The following DYNC1H1 variants were observed in gnomAD, a reference collection of about 807,000 sequenced individuals.
DYNC1H1 encodes dynein cytoplasmic 1 heavy chain 1.
Under a neutral mutation model 527.1 loss-of-function variants are expected in DYNC1H1, and 51 were observed. The observed-to-expected ratio is 0.10, with a 90% CI of 0.08 to 0.12. The LOEUF (loss-of-function observed/expected upper bound fraction) is 0.12. Ranked by LOEUF, DYNC1H1 falls within the 10% of genes least tolerant of loss-of-function variation. DYNC1H1 has a pLI of 1.00. For missense variants in DYNC1H1, 2,771 were observed against 5,971.8 expected (o/e 0.46, Z 17.66); for synonymous variants, 2,189 against 2,278.8 (o/e 0.96, Z 1.12).
chr14:102,011,875 G>A lies in DYNC1H1; in HGVS notation c.6619G>A (p.Val2207Ile). ...TGTGCTGGTCTGTTGGGCCCTGCAG[G>A]TTCTCCAGCTCTATCAGATCACCCA... is the stretch of plus-strand genomic sequence containing the variant. Reference protein sequence around the residue: ...EEVGGMWVEKVLQLYQITQIN... With the variant: ...EEVGGMWVEKILQLYQITQIN... Residue 2207 changes from valine to isoleucine, a missense_variant and splice_region_variant, in exon 33 of 78, where the codon GTT becomes ATT. By Grantham distance (29) the Val-to-Ile change is conservative. This residue lies in a region of DYNC1H1 where 56 missense variants were observed against 140.6 expected (regional missense o/e 0.40). Coordinates refer to ENST00000360184, the MANE Select transcript of DYNC1H1 (RefSeq NM_001376.5). This position sits in a 1 kb window ranked among gnomAD's most constrained non-coding sequence, Gnocchi z 5.3. 6.2e-7 allele frequency: 1 copy of A among 1,614,146 alleles called. No homozygotes were observed. The highest frequency in any genetic ancestry group is 8.5e-7 in the Non-Finnish European group (1 of 1,180,048).
rs369550020 is a variant in DYNC1H1, at chr14:101,964,689, A to G, written c.-3A>G. ...GCTCCTGGAAGGTCCCGAGCGCGAC[A>G]CCATGTCGGAGCCCGGGGGCGGCGG... On this transcript the variant is annotated 5_prime_UTR_variant, in exon 1 of 78. Coordinates refer to ENST00000360184, the MANE Select transcript of DYNC1H1 (RefSeq NM_001376.5). This position sits in a 1 kb window ranked among gnomAD's most constrained non-coding sequence, Gnocchi z 5.5. 312 of 1,588,268 alleles carry G rather than the reference A, an allele frequency of 2.0e-4. No homozygotes were observed. Among genetic ancestry groups the G allele is most frequent in the Non-Finnish European group, 2.4e-4 (284 of 1,172,828 alleles).
chr14:102,046,160 T>C (rs2048715181), intron 72 of DYNC1H1, among the ~76,000 whole-genome samples: 1 of 150,896 alleles, frequency 6.6e-6, no homozygotes, highest in Admixed American at 6.6e-5. Context: ...AGAGCAAGAC[T>C]TTGTCTCAAA....
chr14:101,979,415 A>G lies in DYNC1H1; in HGVS notation c.441A>G (p.Glu147=). The G allele has an allele frequency of 6.2e-7, 1 of 1,614,178 alleles. No individual in the cohort carries two copies. Among genetic ancestry groups the G allele is most frequent in the Non-Finnish European group, 8.5e-7 (1 of 1,180,030 alleles). The change falls in exon 3 of 78, where the codon GAA becomes GAG. Residue 147 remains glutamate, a synonymous_variant. Coordinates refer to ENST00000360184, the MANE Select transcript of DYNC1H1 (RefSeq NM_001376.5). The surrounding 1 kb of genome is among the most constrained non-coding windows in gnomAD (Gnocchi z 4.6). ...CACTCAGTGAAGACTCGCCCTACGA[A>G]ACTTTGCATTCTTTCATTAGCAATG... The part of the protein sequence containing the change: ...VLTLSEDSPY[E]TLHSFISNAV...
At chr14:102,008,630 TATAAAAATTAGCCTGAC>T (rs979163387) in intron 29 of DYNC1H1, among the ~76,000 whole-genome samples, 6 of 151,806 alleles carry the variant, frequency 4.0e-5, no homozygotes, top group African/African-American at 1.5e-4. Flanking sequence ...CTACTGAAAA[TATAAAAATTAGCCTGAC>T]ATGGTGGTGC....
rs754079226 is a variant in DYNC1H1, at chr14:102,055,739, GCTC to G, written c.*5185_*5187del. On this transcript the variant is annotated 3_prime_UTR_variant, in exon 78 of 78. Transcript: ENST00000360184. ...GGCTGAAATGTTTCCCAAGGCCCTG[GCTC>G]CTCCTCCTTCCAAACCCCGCAGGCA... The G allele has an allele frequency of 2.0e-5, 3 of 152,528 alleles. No homozygotes were observed. Among genetic ancestry groups the G allele is most frequent in the African/African-American group, 4.8e-5 (2 of 41,424 alleles). The allele number at this position is 152,528 out of a possible 1,614,324, so 9.4% of individuals were successfully genotyped here. A position where few individuals can be genotyped will look rare whatever the true frequency, so the allele number is the denominator to read the frequency against.
chr14:102,032,495 G>A (rs1333235621), intron 52 of DYNC1H1, 28 bp downstream of exon 52: 2 of 1,613,780 alleles, frequency 1.2e-6, no homozygotes, highest in African/African-American at 1.3e-5. Flanking sequence ...CCAAGGTATT[G>A]CCAGAAATTG....
chr14:101,967,667 C>A (rs1422109803), intron 1 of DYNC1H1, among the ~76,000 whole-genome samples: 1 of 152,034 alleles, frequency 6.6e-6, no homozygotes, highest in African/African-American at 2.4e-5. Context: ...TAGCAAGACC[C>A]TATCTCTACA....
At chr14:101,980,257 C>T (rs1188766559) in intron 4 of DYNC1H1, 107 bp from the exon 5 acceptor site, 3 of 1,397,952 alleles carry the variant, frequency 2.1e-6, no homozygotes, top group Admixed American at 1.8e-5. Flanking sequence ...GGAAGGAAAT[C>T]TACTTGAAAT....
At chr14:101,990,166 T>C (rs1011832633) in intron 10 of DYNC1H1, among the ~76,000 whole-genome samples, 5 of 152,140 alleles carry the variant, frequency 3.3e-5, no homozygotes, top group African/African-American at 4.8e-5. Flanking sequence ...CATGACTATC[T>C]AGTGGAGACG....
rs769243413 is a variant in DYNC1H1, at chr14:101,985,684, T to C, written c.1462-3T>C. On this transcript the variant is annotated splice_region_variant and splice_polypyrimidine_tract_variant and intron_variant, in intron 7 of 77. Coordinates refer to ENST00000360184, the MANE Select transcript of DYNC1H1 (RefSeq NM_001376.5). This position sits in a 1 kb window ranked among gnomAD's most constrained non-coding sequence, Gnocchi z 5.9. Reference sequence around the variant, plus strand: ...TTCTTGATTACATATCTTTCTCCTTTAGGTCACGGCAGTTGCACAACAGAA... The same window carrying C: ...TTCTTGATTACATATCTTTCTCCTTCAGGTCACGGCAGTTGCACAACAGAA... The C allele has an allele frequency of 1.2e-6, 2 of 1,614,114 alleles. No individual in the cohort carries two copies. The highest frequency in any genetic ancestry group is 2.2e-5 in the South Asian group (2 of 91,090).
In DYNC1H1 at chr14:102,005,973, G is replaced by A; in HGVS notation, c.5519G>A (p.Ser1840Asn). Residue 1840 changes from serine to asparagine, a missense_variant, in exon 27 of 78, where the codon AGC becomes AAC. By Grantham distance (46) the Ser-to-Asn change is conservative. Coordinates refer to ENST00000360184, the MANE Select transcript of DYNC1H1 (RefSeq NM_001376.5). The surrounding 1 kb of genome is among the most constrained non-coding windows in gnomAD (Gnocchi z 4.0). ...IDNAKSFEWL[S>N]QMRFYFDPKQ... is the part of the protein sequence containing the mutation. ...AACGCCAAATCTTTTGAATGGCTCA[G>A]CCAGATGCGATTTTACTTTGACCCT... 1.2e-6 allele frequency: 2 copies of A among 1,614,240 alleles called. No individual in the cohort carries two copies. Among genetic ancestry groups the A allele is most frequent in the Non-Finnish European group, 1.7e-6 (2 of 1,180,052 alleles).
In DYNC1H1 at chr14:102,044,128, C is replaced by T. The variant is rs979814917; in HGVS notation, c.12684+83C>T. On this transcript the variant is annotated intron_variant, in intron 70 of 77. Coordinates refer to ENST00000360184, the MANE Select transcript of DYNC1H1 (RefSeq NM_001376.5). The surrounding 1 kb of genome is among the most constrained non-coding windows in gnomAD (Gnocchi z 7.1). Reference sequence around the variant, plus strand: ...GGGCGTGGTGCTGAGAGGCCAGACTCTGCGTGGAAGAGCGAGCTGACCCCT... The same window carrying T: ...GGGCGTGGTGCTGAGAGGCCAGACTTTGCGTGGAAGAGCGAGCTGACCCCT... 1.1e-5 allele frequency: 18 copies of T among 1,594,132 alleles called. No individual in the cohort carries two copies. The highest frequency in any genetic ancestry group is 1.7e-5 in the Admixed American group (1 of 57,700).
At position 102,038,556 on chromosome 14, in the gene DYNC1H1, A is replaced by G. The variant is rs953436026; in HGVS notation, c.11005A>G (p.Ile3669Val). Residue 3669 changes from isoleucine to valine, a missense_variant, in exon 58 of 78, where the codon ATA becomes GTA. Physicochemically the swap from Ile to Val is conservative, Grantham distance 29. Coordinates refer to ENST00000360184, the MANE Select transcript of DYNC1H1 (RefSeq NM_001376.5). The surrounding 1 kb of genome is among the most constrained non-coding windows in gnomAD (Gnocchi z 7.2). ...GCTGATCACTCTCGGGGACCAGGAC[A>G]TAGACCTGTCGCCATCGTTTGTCAT... ...RVLITLGDQDIDLSPSFVIFL... is the reference protein window; with the variant it reads ...RVLITLGDQDVDLSPSFVIFL... The G allele has an allele frequency of 1.2e-6, 2 of 1,614,120 alleles. No individual in the cohort carries two copies. The highest frequency in any genetic ancestry group is 8.5e-7 in the Non-Finnish European group (1 of 1,180,050).
At chr14:102,004,487 T>C in intron 23 of DYNC1H1, 31 bp from the exon 24 acceptor site, 1 of 1,591,480 alleles carries the variant, frequency 6.3e-7, no homozygotes. Flanking sequence ...TATATAATAT[T>C]TTTGCAACTT....
chr14:102,050,778 A>C lies in DYNC1H1; in HGVS notation c.*215A>C. The C allele has an allele frequency of 1.5e-6, 1 of 652,732 alleles. No individual in the cohort carries two copies. The highest frequency in any genetic ancestry group is 2.6e-6 in the Non-Finnish European group (1 of 385,016). The allele number at this position is 652,732 out of a possible 1,614,324, so 40.4% of individuals were successfully genotyped here. ...ATGGCGTGGCTCCTTTGAGGAAATAAAACACTAAGCATGAGCCGGCTCCGC... is the reference window on the plus strand; with the variant it reads ...ATGGCGTGGCTCCTTTGAGGAAATACAACACTAAGCATGAGCCGGCTCCGC... On this transcript the variant is annotated 3_prime_UTR_variant, in exon 78 of 78. Transcript: ENST00000360184.
intron 42 of DYNC1H1, 106 bp from the exon 43 acceptor site, chr14:102,022,645 G>A (rs1219902916): frequency 1.3e-6 from 2 of 1,513,326 alleles, no homozygotes; most frequent in African/African-American, 1.4e-5. Context: ...GATAAAGACT[G>A]ACTGCATCCT....
chr14:101,979,263 A>G lies in DYNC1H1; in HGVS notation c.345-56A>G, dbSNP rs2047835875. 1.3e-6 allele frequency: 2 copies of G among 1,546,480 alleles called. No individual in the cohort carries two copies. Among genetic ancestry groups the G allele is most frequent in the Non-Finnish European group, 1.8e-6 (2 of 1,122,010 alleles). ...ATATTCTTGTATGATTTTTAAATTA[A>G]TAAGCCTAATTAGGAGTGTAACTTT... is the stretch of plus-strand genomic sequence containing the variant. On this transcript the variant is annotated intron_variant, in intron 2 of 77. Coordinates refer to ENST00000360184, the MANE Select transcript of DYNC1H1 (RefSeq NM_001376.5). This position sits in a 1 kb window ranked among gnomAD's most constrained non-coding sequence, Gnocchi z 4.6.
At chr14:102,050,029 G>C in intron 76 of DYNC1H1, 42 bp from the exon 77 acceptor site, 1 of 1,614,206 alleles carries the variant, frequency 6.2e-7, no homozygotes, top group Non-Finnish European at 8.5e-7. Context: ...TTGTGTAGCT[G>C]TTGTGTTCAC....
chr14:102,019,793 G>C, intron 41 of DYNC1H1, 100 bp from the exon 42 acceptor site: 1 of 1,461,548 alleles, frequency 6.8e-7, no homozygotes, highest in South Asian at 1.1e-5. Flanking sequence ...CAGGGTCTAG[G>C]TTCTTTAATG....
Sources: allele counts gnomAD v4.1 joint callset (sites outside exome capture counted in the v4.1 genomes callset), GRCh38; gene constraint gnomAD v4.1.1; regional missense constraint gnomAD v4.1.1; non-coding constraint Gnocchi (gnomAD v3.1); transcripts MANE v1.5; gene names NCBI Gene and HGNC (gene_info 2026-07-23, HGNC 2026-07-21).